The following FANCL variants were observed in gnomAD, a reference collection of about 807,000 sequenced individuals.
FANCL encodes the protein E3 ubiquitin-protein ligase FANCL.
A neutral mutation model predicts 59.4 loss-of-function variants in FANCL; 69 were observed. The observed-to-expected ratio is 1.16, with a 90% CI of 0.96 to 1.42. The LOEUF is 1.42. FANCL is among the 40% of genes most tolerant of loss of function. The pLI, the probability that FANCL is intolerant of heterozygous loss-of-function variation, is 0.00. For synonymous variants in FANCL, 180 were observed against 147.1 expected, an observed-to-expected ratio of 1.22 and a Z score of -1.62; for missense variants, 519 against 447.2, an observed-to-expected ratio of 1.16 and a Z score of -1.45.
chr2:58,241,286 GCA>G lies in FANCL; in HGVS notation c.26_27del (p.Leu9SerfsTer17). 6.2e-7 allele frequency: 1 copy of G among 1,614,224 alleles called. No individual in the cohort carries two copies. The highest frequency in any genetic ancestry group is 8.5e-7 in the Non-Finnish European group (1 of 1,180,038). On this transcript the variant is annotated frameshift_variant, in exon 1 of 14. Transcript: ENST00000233741. LOFTEE classifies it high-confidence loss of function. ...TGGGGCAGAAGCAGGGGGCACTGGCGCAACAGGCTCGCTTCCGTCACCGCCAT... is the reference window on the plus strand; with the variant it reads ...TGGGGCAGAAGCAGGGGGCACTGGCGACAGGCTCGCTTCCGTCACCGCCAT... MAVTEASLLRQCPLLLPQN... is the reference protein window; with the variant it reads MAVTEASLXRQCPLLLPQN...
At position 58,198,937 on chromosome 2, in the gene FANCL, G is replaced by A. The variant is rs537564042; in HGVS notation, c.472-275C>T. On this transcript the variant is annotated intron_variant, in intron 6 of 13. Transcript: ENST00000233741. ...CCAGCTACTTGGGAGGCTGAGGCAG[G>A]AGAATGGCGTGAACCTGGGAGGCGG... is the stretch of plus-strand genomic sequence containing the variant. Among the ~76,000 whole-genome samples, 104 of 151,500 alleles carry A rather than the reference G, an allele frequency of 6.9e-4. 2 individuals carry two copies. Among genetic ancestry groups the A allele is most frequent in the Admixed American group, 5.3e-4 (8 of 15,222 alleles).
Position 58,159,538 on chromosome 2 carries a change from A to G in FANCL, c.*227T>C, listed in dbSNP as rs201239590. ...TTGGTATAAATACACTTCCACAGTC[A>G]GCACGGGGATCACAGACTTAGAAAG... is the stretch of plus-strand genomic sequence containing the variant. On this transcript the variant is annotated 3_prime_UTR_variant, in exon 14 of 14. Coordinates refer to ENST00000233741, the MANE Select transcript of FANCL (RefSeq NM_018062.4). 5 of 1,613,872 alleles carry G rather than the reference A, an allele frequency of 3.1e-6. No homozygotes were observed. The East Asian group carries it at 1.1e-4, about 36-fold the overall frequency.
At chr2:58,195,441 T>C (rs1689333271) in intron 7 of FANCL, among the ~76,000 whole-genome samples, 2 of 152,148 alleles carry the variant, frequency 1.3e-5, no homozygotes, top group South Asian at 2.1e-4. Flanking sequence ...GCATATAGAA[T>C]ATAGGGGCTA....
At chr2:58,240,689 T>C (rs530609254) in intron 1 of FANCL, among the ~76,000 whole-genome samples, 47 of 152,326 alleles carry the variant, frequency 3.1e-4, no homozygotes, top group African/African-American at 1.1e-3. Flanking sequence ...AGTTAATTAA[T>C]TCCATTGCTG....
chr2:58,235,991 TAA>T (rs1256315158), intron 1 of FANCL, among the ~76,000 whole-genome samples: 1 of 148,768 alleles, frequency 6.7e-6, no homozygotes, highest in Non-Finnish European at 1.5e-5. Context: ...TGTGACAACT[TAA>T]AGTGACCTAA....
intron 7 of FANCL, among the ~76,000 whole-genome samples, chr2:58,184,587 T>C (rs958574784): frequency 2.0e-5 from 3 of 151,750 alleles, no homozygotes; most frequent in Non-Finnish European, 4.4e-5. Flanking sequence ...ATAATAAGAA[T>C]AAGGAAATGA....
chr2:58,173,659 C>T (rs1686930035), intron 7 of FANCL, among the ~76,000 whole-genome samples: 1 of 152,110 alleles, frequency 6.6e-6, no homozygotes, highest in Admixed American at 6.6e-5. Context: ...AAAGGAACAA[C>T]CGGTACCAGC....
At chr2:58,166,874 G>T (rs1686002507) in intron 7 of FANCL, among the ~76,000 whole-genome samples, 1 of 152,186 alleles carries the variant, frequency 6.6e-6, no homozygotes, top group South Asian at 2.1e-4. Flanking sequence ...TTCATGCTCA[G>T]TTCCACTGTG....
At chr2:58,184,553 C>A (rs1286363457) in intron 7 of FANCL, among the ~76,000 whole-genome samples, 1 of 151,910 alleles carries the variant, frequency 6.6e-6, no homozygotes. Flanking sequence ...AAGCAAAATG[C>A]CGTCTGTTTT....
rs1445780282 is a variant in FANCL at position 58,161,670 on chromosome 2, T to A, written c.904-32A>T. ...AAGAAAAATATTTATAAAAAGCGTA[T>A]GTGTCTCACTAACTTATTCGTTGTA... is the stretch of plus-strand genomic sequence containing the variant. On this transcript the variant is annotated intron_variant, in intron 11 of 13. Transcript: ENST00000233741. 6 of 1,383,166 alleles carry A rather than the reference T, an allele frequency of 4.3e-6. No individual in the cohort carries two copies. The Admixed American group carries it at 6.8e-5, about 16-fold the overall frequency. 85.7% of individuals were successfully genotyped at this position (1,383,166 alleles called of 1,614,324 possible). A position where few individuals can be genotyped will look rare whatever the true frequency, so the allele number is the denominator to read the frequency against.
intron 7 of FANCL, among the ~76,000 whole-genome samples, chr2:58,176,208 C>G (rs897390184): frequency 3.3e-5 from 5 of 152,096 alleles, no homozygotes; most frequent in African/African-American, 9.7e-5. Flanking sequence ...CACTGCCCAA[C>G]GTACTTTATA....
intron 7 of FANCL, among the ~76,000 whole-genome samples, chr2:58,195,305 C>T (rs1235421944): frequency 6.6e-6 from 1 of 152,006 alleles, no homozygotes; most frequent in Non-Finnish European, 1.5e-5. Context: ...TGATATACAG[C>T]CAGAATCTTA....
intron 5 of FANCL, 80 bp from the exon 6 acceptor site, chr2:58,204,306 G>T: frequency 9.6e-7 from 1 of 1,046,146 alleles, no homozygotes; most frequent in Non-Finnish European, 1.5e-6. Flanking sequence ...AATTTGAAAT[G>T]AAAATATTTG....
rs1483365954 is a variant in FANCL at position 58,217,154 on chromosome 2, T to G, written c.374+4788A>C. ...ATTTTTATATATAGATTTATATATA[T>G]ATTTATATATTTTATATATATATAT... On this transcript the variant is annotated intron_variant, in intron 5 of 13. Transcript: ENST00000233741. Among the ~76,000 whole-genome samples the G allele has an allele frequency of 3.0e-4, 26 of 87,966 alleles. 1 individual carries two copies. The highest frequency in any genetic ancestry group is 2.2e-3 in the South Asian group (5 of 2,300). The allele number at this position is 87,966 out of a possible 152,430, so 57.7% of individuals were successfully genotyped here. A position where few individuals can be genotyped will look rare whatever the true frequency, so the allele number is the denominator to read the frequency against.
intron 7 of FANCL, among the ~76,000 whole-genome samples, chr2:58,174,301 A>G (rs2104897099): frequency 6.6e-6 from 1 of 152,328 alleles, no homozygotes; most frequent in South Asian, 2.1e-4. Context: ...ATAGAAATCT[A>G]CAGAACTTTC....
chr2:58,168,939 G>A (rs1686242849), intron 7 of FANCL, among the ~76,000 whole-genome samples: 1 of 152,178 alleles, frequency 6.6e-6, no homozygotes, highest in Non-Finnish European at 1.5e-5. Flanking sequence ...AAGAACAGCA[G>A]CAGCCAAAGT....
At chr2:58,197,155 TA>T (rs1363845379) in intron 7 of FANCL, among the ~76,000 whole-genome samples, 51 of 145,278 alleles carry the variant, frequency 3.5e-4, no homozygotes, top group Admixed American at 2.0e-3. Context: ...ATTGGGACTT[TA>T]AAAAAAAAAA....
chr2:58,171,857 G>C (rs753453584), intron 7 of FANCL, among the ~76,000 whole-genome samples: 1 of 152,156 alleles, frequency 6.6e-6, no homozygotes, highest in Non-Finnish European at 1.5e-5. Flanking sequence ...CCTAGTCAAA[G>C]AAAGGGGTGA....
chr2:58,175,570 G>A (rs1351548231), intron 7 of FANCL, among the ~76,000 whole-genome samples: 1 of 152,036 alleles, frequency 6.6e-6, no homozygotes, highest in African/African-American at 2.4e-5. Context: ...TAAGGCCTTT[G>A]ACAAAATTCA....
Sources: gnomAD v4.1 joint callset for allele counts (sites outside exome capture counted in the v4.1 genomes callset) on GRCh38, gnomAD v4.1.1 for gene constraint, MANE v1.5 for transcripts, NCBI Gene and HGNC (gene_info 2026-07-23, HGNC 2026-07-21) for gene names.